Variants in MAP2 observed in about 807,000 individuals in gnomAD.
The protein encoded by MAP2 is microtubule associated protein 2.
In MAP2, 14 loss-of-function variants were observed where a neutral mutation model predicts 137.6. The observed-to-expected ratio is 0.10, with a 90% CI of 0.07 to 0.16. MAP2 has a LOEUF of 0.16. MAP2 is among the 10% of genes least tolerant of loss of function. The pLI is 1.00. For synonymous variants in MAP2, 786 were observed against 782.3 expected, an observed-to-expected ratio of 1.00 and a Z score of -0.08; for missense variants, 2,088 against 2,191.5, an observed-to-expected ratio of 0.95 and a Z score of 0.94.
chr2:209,503,109 G>A (rs2060603737), intron 1 of MAP2, among the ~76,000 whole-genome samples: 1 of 148,606 alleles, frequency 6.7e-6, no homozygotes, highest in South Asian at 2.1e-4. Flanking sequence ...AATCAAACCT[G>A]CCACCTCAGC....
chr2:209,426,139 A>G (rs7595691), intron 1 of MAP2, among the ~76,000 whole-genome samples: 10,310 of 152,268 alleles, frequency 0.068, 529 homozygotes, highest in East Asian at 0.27. Flanking sequence ...TTGTGGCTTT[A>G]GGATCAGTGG....
chr2:209,724,452 T>C (rs1341069159), intron 13 of MAP2, among the ~76,000 whole-genome samples: 1 of 152,168 alleles, frequency 6.6e-6, no homozygotes, highest in Non-Finnish European at 1.5e-5. Context: ...ACAGATCCTA[T>C]CTCTTTAAAC....
chr2:209,665,525 T>C (rs918279643), intron 5 of MAP2, among the ~76,000 whole-genome samples: 10 of 152,216 alleles, frequency 6.6e-5, no homozygotes, highest in African/African-American at 2.4e-4. Flanking sequence ...AAATGGGCAA[T>C]CTAAATCTTA....
At chr2:209,526,116 A>G (rs544437730) in intron 2 of MAP2, among the ~76,000 whole-genome samples, 11 of 152,270 alleles carry the variant, frequency 7.2e-5, no homozygotes, top group African/African-American at 1.4e-4. Context: ...AATGAAGCAT[A>G]TCATGGGCTT....
At chr2:209,706,322 T>C (rs1388145201) in intron 12 of MAP2, among the ~76,000 whole-genome samples, 2 of 152,174 alleles carry the variant, frequency 1.3e-5, no homozygotes, top group African/African-American at 2.4e-5. Context: ...TGTGGCAAAC[T>C]ATCTAGTAAA....
At chr2:209,711,453 G>A (rs1330847528) in intron 13 of MAP2, among the ~76,000 whole-genome samples, 1 of 152,132 alleles carries the variant, frequency 6.6e-6, no homozygotes, top group African/African-American at 2.4e-5. Flanking sequence ...ATCAACCAAT[G>A]GGGCAGGAGG....
intron 1 of MAP2, among the ~76,000 whole-genome samples, chr2:209,442,221 G>A (rs1294171388): frequency 6.6e-6 from 1 of 151,496 alleles, no homozygotes; most frequent in Non-Finnish European, 1.5e-5. Context: ...GTCCTAGTAT[G>A]TGATGAGGAA....
chr2:209,450,296 C>T (rs1294155382), intron 1 of MAP2, among the ~76,000 whole-genome samples: 2 of 152,098 alleles, frequency 1.3e-5, no homozygotes, highest in African/African-American at 4.8e-5. Context: ...CCAAGGCACA[C>T]ATAAACTGTC....
rs59133937 is a variant in MAP2 at position 209,490,605 on chromosome 2, C to CAAAAAAAAAA, written c.-221-16966_-221-16957dup. Among the ~76,000 whole-genome samples the CAAAAAAAAAA allele has an allele frequency of 1.1e-3, 6 of 5,560 alleles. 2 individuals carry two copies. Among genetic ancestry groups the CAAAAAAAAAA allele is most frequent in the African/African-American group, 1.5e-3 (2 of 1,346 alleles). The allele number at this position is 5,560 out of a possible 152,430, so 3.6% of individuals were successfully genotyped here. ...GAAGATTTACCAAGCAAATGGAAAG[C>CAAAAAAAAAA]AAAAAAAAAAAAAAAAAAAAAAAAA... On this transcript the variant is annotated intron_variant, in intron 1 of 15. Transcript: ENST00000682079.
intron 1 of MAP2, among the ~76,000 whole-genome samples, chr2:209,429,431 A>G (rs954387747): frequency 5.3e-5 from 8 of 151,788 alleles, no homozygotes; most frequent in Non-Finnish European, 1.2e-4. Flanking sequence ...CAGGCAGTCC[A>G]TTGTCTTTAT....
intron 1 of MAP2, among the ~76,000 whole-genome samples, chr2:209,447,900 T>C (rs967422191): frequency 7.2e-5 from 11 of 152,112 alleles, no homozygotes; most frequent in African/African-American, 2.7e-4. Flanking sequence ...AACTCATAAC[T>C]TAAAATTCTG....
intron 1 of MAP2, among the ~76,000 whole-genome samples, chr2:209,495,675 A>G (rs1371914091): frequency 6.6e-6 from 1 of 152,224 alleles, no homozygotes; most frequent in African/African-American, 2.4e-5. Flanking sequence ...TCCTAGGAAT[A>G]AAAATAGTAT....
At chr2:209,450,138 C>T (rs1225470037) in intron 1 of MAP2, among the ~76,000 whole-genome samples, 2 of 152,076 alleles carry the variant, frequency 1.3e-5, no homozygotes, top group African/African-American at 2.4e-5. Context: ...GATGGGGTTT[C>T]ACCATGTTGC....
At chr2:209,454,897 C>G (rs1402358036) in intron 1 of MAP2, among the ~76,000 whole-genome samples, 4 of 152,172 alleles carry the variant, frequency 2.6e-5, no homozygotes, top group Non-Finnish European at 5.9e-5. Flanking sequence ...ACATTTATTT[C>G]TCACAGTTCT....
intron 1 of MAP2, among the ~76,000 whole-genome samples, chr2:209,499,210 T>A (rs2060102173): frequency 6.6e-6 from 1 of 152,174 alleles, no homozygotes; most frequent in Non-Finnish European, 1.5e-5. Flanking sequence ...TGCTGTATAG[T>A]CACCATGAAG....
intron 1 of MAP2, among the ~76,000 whole-genome samples, chr2:209,494,738 A>C (rs2059551952): frequency 6.6e-6 from 1 of 152,234 alleles, no homozygotes; most frequent in South Asian, 2.1e-4. Flanking sequence ...TTAAAAAACA[A>C]ATAAATAAAT....
chr2:209,491,734 G>C (rs1040623230), intron 1 of MAP2, among the ~76,000 whole-genome samples: 1 of 152,086 alleles, frequency 6.6e-6, no homozygotes, highest in Non-Finnish European at 1.5e-5. Context: ...ACCCTCCCAA[G>C]ACTAAATCAG....
intron 7 of MAP2, among the ~76,000 whole-genome samples, chr2:209,682,476 C>T (rs1183102140): frequency 2.6e-5 from 4 of 151,902 alleles, no homozygotes; most frequent in African/African-American, 4.8e-5. Flanking sequence ...GGTGACATAG[C>T]GAGACTCCAT....
intron 14 of MAP2, among the ~76,000 whole-genome samples, chr2:209,727,507 A>T (rs1205977303): frequency 6.6e-6 from 1 of 152,128 alleles, no homozygotes; most frequent in Non-Finnish European, 1.5e-5. Context: ...GTTGTCATGG[A>T]CTCCCACCTA....
Sources: gnomAD v4.1 joint callset for allele counts (sites outside exome capture counted in the v4.1 genomes callset) on GRCh38, gnomAD v4.1.1 for gene constraint, MANE v1.5 for transcripts, NCBI Gene and HGNC (gene_info 2026-07-23, HGNC 2026-07-21) for gene names.